PICALM: variants seen among roughly 807,000 people sequenced by gnomAD.
The protein encoded by PICALM is phosphatidylinositol binding clathrin assembly protein.
PICALM carries 40 observed loss-of-function variants against 80.5 expected under a neutral mutation model. The observed-to-expected ratio is 0.50, with a 90% confidence interval of 0.39 to 0.65. The LOEUF (loss-of-function observed/expected upper bound fraction) is 0.65, where lower values mean the gene tolerates loss of function less well. PICALM is among the 30% of genes least tolerant of loss of function. The pLI is 0.00. For synonymous variants in PICALM, 288 were observed against 260.3 expected, an observed-to-expected ratio of 1.11 and a Z score of -1.02; for missense variants, 676 against 778.9, an observed-to-expected ratio of 0.87 and a Z score of 1.57.
At chr11:86,053,321 C>T (rs2096220332) in intron 1 of PICALM, among the ~76,000 whole-genome samples, 1 of 152,102 alleles carries the variant, frequency 6.6e-6, no homozygotes, top group East Asian at 1.9e-4. Flanking sequence ...CCAAATAAGG[C>T]AAACGTGGAC....
chr11:86,013,490 C>T (rs1197820928), intron 5 of PICALM, among the ~76,000 whole-genome samples: 1 of 151,908 alleles, frequency 6.6e-6, no homozygotes, highest in African/African-American at 2.4e-5. Flanking sequence ...AATAGAAACA[C>T]ACACACACAC....
intron 19 of PICALM, among the ~76,000 whole-genome samples, chr11:85,973,738 G>A (rs1266386133): frequency 4.6e-5 from 7 of 152,172 alleles, no homozygotes; most frequent in Admixed American, 3.9e-4. Context: ...TTTGGCAAAT[G>A]TAATATATAT....
intron 17 of PICALM, among the ~76,000 whole-genome samples, chr11:85,977,606 A>G (rs1027992709): frequency 6.6e-6 from 1 of 152,224 alleles, no homozygotes; most frequent in Non-Finnish European, 1.5e-5. Flanking sequence ...ATAACACTAA[A>G]GTGAATAGTT....
rs773209888 is a variant in PICALM, at chr11:85,981,127, A to G, written c.1779+2T>C. On this transcript the variant is annotated splice_donor_variant, in intron 17 of 19. Coordinates refer to ENST00000393346, the MANE Select transcript of PICALM (RefSeq NM_007166.4). LOFTEE classifies it high-confidence loss of function. ...AGTCTATCAGGAGCTTTTTCAACTC[A>G]CCATTGTTGCAGCATTCCAAGCGGT... 1 of 1,472,856 alleles carries G rather than the reference A, an allele frequency of 6.8e-7. No homozygotes were observed. Among genetic ancestry groups the G allele is most frequent in the Non-Finnish European group, 9.5e-7 (1 of 1,053,084 alleles). The allele number at this position is 1,472,856 out of a possible 1,614,324, so 91.2% of individuals were successfully genotyped here.
chr11:86,022,453 T>C lies in PICALM; in HGVS notation c.366A>G (p.Thr122=), dbSNP rs757874575. The change falls in exon 4 of 20, where the codon ACA becomes ACG. Residue 122 remains threonine (T), a synonymous_variant. Transcript: ENST00000393346. ...AATATCTACTATACCGCCTAATAAA[T>C]GTAGACATGTCATATCCTGTAAAAA... ...KSGLQGYDMS[T]FIRRYSRYLN... 1.3e-6 allele frequency: 2 copies of C among 1,550,018 alleles called. No individual in the cohort carries two copies. Among genetic ancestry groups the C allele is most frequent in the South Asian group, 1.2e-5 (1 of 85,650 alleles).
At position 86,067,272 on chromosome 11, in the gene PICALM, G is replaced by T. The variant is rs528128287; in HGVS notation, c.130+1379C>A. 5.9e-5 allele frequency among the ~76,000 whole-genome samples: 9 copies of T among 152,286 alleles called. No individual in the cohort carries two copies. In the South Asian group the frequency reaches 1.9e-3, roughly 32 times the overall value. ...TATCTTTCAGGGCATGCTCACTCTT[G>T]CTTCAAACAGTAAAACAAAGTAACT... On this transcript the variant is annotated intron_variant, in intron 1 of 19. Coordinates refer to ENST00000393346, the MANE Select transcript of PICALM (RefSeq NM_007166.4).
chr11:85,987,210 C>G (rs759169989), intron 13 of PICALM, among the ~76,000 whole-genome samples: 2 of 152,094 alleles, frequency 1.3e-5, no homozygotes, highest in Non-Finnish European at 2.9e-5. Context: ...CACATAAACC[C>G]TATGACATAG....
intron 1 of PICALM, among the ~76,000 whole-genome samples, chr11:86,059,247 G>A (rs183961303): frequency 8.8e-4 from 134 of 152,282 alleles, no homozygotes; most frequent in Non-Finnish European, 1.6e-3. Flanking sequence ...AATATTTACT[G>A]AGCACCCATG....
At chr11:85,987,641 C>G (rs1334971632) in intron 13 of PICALM, among the ~76,000 whole-genome samples, 1 of 152,088 alleles carries the variant, frequency 6.6e-6, no homozygotes, top group African/African-American at 2.4e-5. Flanking sequence ...ATTTTAAATT[C>G]TTTAAATTTT....
chr11:86,069,114 G>T, upstream of PICALM: 1 of 277,478 alleles, frequency 3.6e-6, no homozygotes, highest in Non-Finnish European at 6.9e-6. Flanking sequence ...GAGCTTTCCG[G>T]GCTGCCCCGG....
intron 19 of PICALM, among the ~76,000 whole-genome samples, chr11:85,965,504 C>T (rs1263995232): frequency 6.6e-6 from 1 of 152,030 alleles, no homozygotes. Context: ...TAAAACATGA[C>T]CAGGCCATTA....
intron 4 of PICALM, among the ~76,000 whole-genome samples, chr11:86,017,247 C>T (rs12270938): frequency 0.029 from 4,378 of 151,048 alleles, 222 homozygotes; most frequent in African/African-American, 0.1. Flanking sequence ...AAGTTAGCTT[C>T]TACCTCATGT....
At chr11:86,036,199 T>G (rs1565497644) in intron 1 of PICALM, among the ~76,000 whole-genome samples, 1 of 152,186 alleles carries the variant, frequency 6.6e-6, no homozygotes, top group Admixed American at 6.5e-5. Flanking sequence ...ACTATGCAAG[T>G]TGAAATTAGA....
chr11:86,010,079 C>G (rs2095364836), intron 7 of PICALM, among the ~76,000 whole-genome samples: 1 of 152,044 alleles, frequency 6.6e-6, no homozygotes, highest in African/African-American at 2.4e-5. Context: ...GCAAATTATC[C>G]TAGGAAGAAA....
intron 4 of PICALM, 26 bp downstream of exon 4, chr11:86,022,341 T>G (rs1451058786): frequency 1.7e-6 from 2 of 1,173,452 alleles, no homozygotes; most frequent in East Asian, 2.4e-5. Flanking sequence ...TCAAATCAAT[T>G]AGATGTCAAA....
At chr11:85,975,592 C>CTTTTTTTTTTTTTT (rs11407535) in intron 18 of PICALM, among the ~76,000 whole-genome samples, 1 of 89,642 alleles carries the variant, frequency 1.1e-5, no homozygotes, top group African/African-American at 4.5e-5. Flanking sequence ...TCTCAGCAGA[C>CTTTTTTTTTTTTTT]TTTTTTTTTT....
chr11:85,963,262 G>C (rs749904220), intron 19 of PICALM, among the ~76,000 whole-genome samples: 24 of 152,046 alleles, frequency 1.6e-4, no homozygotes, highest in African/African-American at 5.1e-4. Flanking sequence ...TTTTACAAGA[G>C]AGCATATGTA....
rs916706975 is a variant in PICALM, at chr11:86,068,857, C to A, written c.-77G>T. 2 of 1,476,542 alleles carry A rather than the reference C, an allele frequency of 1.4e-6. No individual in the cohort carries two copies. The highest frequency in any genetic ancestry group is 1.4e-5 in the African/African-American group (1 of 71,412). 91.5% of individuals were successfully genotyped at this position (1,476,542 alleles called of 1,614,324 possible). A position where few individuals can be genotyped will look rare whatever the true frequency, so the allele number is the denominator to read the frequency against. On this transcript the variant is annotated 5_prime_UTR_variant, in exon 1 of 20. Coordinates refer to ENST00000393346, the MANE Select transcript of PICALM (RefSeq NM_007166.4). The stretch of plus-strand genomic sequence containing the variant: ...ACCCCCAAGAGCCGGAGGGTCCCCA[C>A]CCCCCACCGCACCCCCTACCCCCAC...
chr11:86,022,694 TA>T (rs568972054), intron 3 of PICALM, among the ~76,000 whole-genome samples: 5 of 148,956 alleles, frequency 3.4e-5, no homozygotes, highest in Non-Finnish European at 4.5e-5. Context: ...TATGTAGTTT[TA>T]AAAAAAAAAC....
Sources: gnomAD v4.1 joint callset for allele counts (sites outside exome capture counted in the v4.1 genomes callset) on GRCh38, gnomAD v4.1.1 for gene constraint, MANE v1.5 for transcripts, NCBI Gene and HGNC (gene_info 2026-07-23, HGNC 2026-07-21) for gene names.